JMJD1C: variants seen among roughly 807,000 people sequenced by gnomAD.
JMJD1C encodes jumonji domain-containing protein 1C.
A neutral mutation model predicts 245.3 loss-of-function variants in JMJD1C; 31 were observed. The ratio of observed to expected loss-of-function variants is 0.13; its 90% CI spans 0.09 to 0.17. The LOEUF is 0.17. JMJD1C is among the 10% of genes least tolerant of loss of function. The pLI, the probability that JMJD1C is intolerant of heterozygous loss-of-function variation, is 1.00. For missense variants in JMJD1C, 2,691 were observed against 3,000.2 expected (o/e 0.90, Z 2.41); for synonymous variants, 1,057 against 1,017.4 (o/e 1.04, Z -0.74).
chr10:63,192,653 T>G (rs1844975279), intron 16 of JMJD1C, among the ~76,000 whole-genome samples: 1 of 152,132 alleles, frequency 6.6e-6, no homozygotes, highest in African/African-American at 2.4e-5. Flanking sequence ...GAGGATCGCC[T>G]GGGCCTGAGA....
intron 2 of JMJD1C, among the ~76,000 whole-genome samples, chr10:63,370,055 T>A (rs1477082609): frequency 6.6e-6 from 1 of 152,218 alleles, no homozygotes; most frequent in Non-Finnish European, 1.5e-5. Flanking sequence ...AAGACTCAGA[T>A]GAGTTTCTTC....
intron 2 of JMJD1C, among the ~76,000 whole-genome samples, chr10:63,279,639 T>G (rs1199464591): frequency 6.6e-6 from 1 of 152,168 alleles, no homozygotes; most frequent in East Asian, 1.9e-4. Flanking sequence ...CATGGTGGCA[T>G]GTGGCTGTAG....
chr10:63,402,863 A>C (rs1948949899), intron 1 of JMJD1C, among the ~76,000 whole-genome samples: 1 of 152,210 alleles, frequency 6.6e-6, no homozygotes, highest in Admixed American at 6.5e-5. Flanking sequence ...TACTAGAATA[A>C]AATCTAAACT....
intron 13 of JMJD1C, 36 bp downstream of exon 13, chr10:63,197,375 T>TA (rs1348602860): frequency 1.9e-6 from 3 of 1,559,816 alleles, no homozygotes; most frequent in African/African-American, 2.8e-5. Context: ...AGAAAAATTA[T>TA]AAAAAACTTC....
chr10:63,222,218 T>C, intron 3 of JMJD1C: 1 of 768,250 alleles, frequency 1.3e-6, no homozygotes, highest in Non-Finnish European at 2.4e-6. Context: ...CAGAGGAATT[T>C]ATAGGGGGGT....
intron 22 of JMJD1C, among the ~76,000 whole-genome samples, chr10:63,183,018 C>T (rs961715351): frequency 6.6e-6 from 1 of 152,110 alleles, no homozygotes; most frequent in Non-Finnish European, 1.5e-5. Context: ...TGCACCACCA[C>T]ACCCAGCTAA....
chr10:63,262,791 C>T (rs1854950830), intron 3 of JMJD1C, among the ~76,000 whole-genome samples: 1 of 142,442 alleles, frequency 7.0e-6, no homozygotes, highest in African/African-American at 2.7e-5. Context: ...AGCTCTTATG[C>T]CTCTCAAACT....
intron 24 of JMJD1C, among the ~76,000 whole-genome samples, chr10:63,171,877 G>A (rs955689195): frequency 6.6e-6 from 1 of 152,180 alleles, no homozygotes; most frequent in Non-Finnish European, 1.5e-5. Flanking sequence ...ACCTAAACAG[G>A]TTGTAAGTAA....
At chr10:63,321,367 G>A (rs1940841099) in intron 2 of JMJD1C, among the ~76,000 whole-genome samples, 1 of 152,180 alleles carries the variant, frequency 6.6e-6, no homozygotes, top group Non-Finnish European at 1.5e-5. Flanking sequence ...TACTACTTGC[G>A]ATTGTCATCT....
At chr10:63,339,498 T>A (rs572671934) in intron 2 of JMJD1C, among the ~76,000 whole-genome samples, 1 of 152,252 alleles carries the variant, frequency 6.6e-6, no homozygotes, top group South Asian at 2.1e-4. Flanking sequence ...GTATATAGGT[T>A]GAGGCCAGGT....
At chr10:63,448,561 T>C (rs2466128) in intron 1 of JMJD1C, among the ~76,000 whole-genome samples, 21,058 of 152,192 alleles carry the variant, frequency 0.14, 2,091 homozygotes, top group Admixed American at 0.29. Flanking sequence ...CTCAACCCTA[T>C]CAATGTTTAA....
intron 1 of JMJD1C, among the ~76,000 whole-genome samples, chr10:63,404,334 A>G (rs886631980): frequency 3.3e-5 from 5 of 152,232 alleles, no homozygotes; most frequent in African/African-American, 1.2e-4. Flanking sequence ...AAAAAAGCAG[A>G]GAGAGAAAAG....
chr10:63,251,806 G>A (rs1853124904), intron 3 of JMJD1C, among the ~76,000 whole-genome samples: 1 of 152,172 alleles, frequency 6.6e-6, no homozygotes, highest in Non-Finnish European at 1.5e-5. Context: ...AAGGTCAGGA[G>A]TTCAAGACCA....
intron 2 of JMJD1C, among the ~76,000 whole-genome samples, chr10:63,375,496 G>T (rs1946661404): frequency 6.6e-6 from 1 of 151,300 alleles, no homozygotes; most frequent in South Asian, 2.1e-4. Flanking sequence ...TAAGTAAAAA[G>T]ACACCCCTGT....
At chr10:63,228,216 AT>A (rs1243304004) in intron 3 of JMJD1C, among the ~76,000 whole-genome samples, 3 of 145,894 alleles carry the variant, frequency 2.1e-5, no homozygotes, top group East Asian at 3.8e-4. Flanking sequence ...AGCTAAAAAA[AT>A]ACCATAAAAA....
chr10:63,461,885 CAAGAG>C (rs1554945583), intron 1 of JMJD1C, among the ~76,000 whole-genome samples: 1 of 152,084 alleles, frequency 6.6e-6, no homozygotes, highest in Non-Finnish European at 1.5e-5. Context: ...CGAAGTTAAA[CAAGAG>C]GAGAGTAAAT....
At chr10:63,490,417 A>ATTTTT (rs113478578) in intron 1 of JMJD1C, among the ~76,000 whole-genome samples, 4 of 118,518 alleles carry the variant, frequency 3.4e-5, no homozygotes, top group Non-Finnish European at 3.4e-5. Flanking sequence ...TTATTTATTT[A>ATTTTT]TTTTATTTTT....
intron 1 of JMJD1C, among the ~76,000 whole-genome samples, chr10:63,493,138 G>A (rs1224403348): frequency 6.7e-6 from 1 of 149,178 alleles, no homozygotes; most frequent in Non-Finnish European, 1.5e-5. Context: ...TGAGTATGGA[G>A]ACTTAACAAA....
intron 2 of JMJD1C, among the ~76,000 whole-genome samples, chr10:63,310,019 T>C (rs1350895387): frequency 6.6e-6 from 1 of 152,300 alleles, no homozygotes; most frequent in Admixed American, 6.5e-5. Context: ...TGTATTTCTC[T>C]ATATCAGTAT....
Sources: gnomAD v4.1 joint callset for allele counts (sites outside exome capture counted in the v4.1 genomes callset) on GRCh38, gnomAD v4.1.1 for gene constraint, MANE v1.5 for transcripts, NCBI Gene and HGNC (gene_info 2026-07-23, HGNC 2026-07-21) for gene names.